Variants in UBN1 observed in about 807,000 individuals in gnomAD.
UBN1 encodes the protein ubinuclein-1.
UBN1 carries 17 observed loss-of-function variants against 108.5 expected under a neutral mutation model. That is an observed-to-expected ratio of 0.16 (90% CI 0.11 to 0.24). The LOEUF (loss-of-function observed/expected upper bound fraction) is 0.24, where lower values mean the gene tolerates loss of function less well. UBN1 is among the 10% of genes least tolerant of loss of function. The probability of loss-of-function intolerance (pLI) is 1.00; values close to 1 mark genes in which losing one functional copy is unlikely to be tolerated. For synonymous variants in UBN1, 726 were observed against 564.2 expected, an observed-to-expected ratio of 1.29 and a Z score of -4.07; for missense variants, 1,595 against 1,394.4, an observed-to-expected ratio of 1.14 and a Z score of -2.29.
At chr16:4,856,550 G>C (rs973669109) in intron 2 of UBN1, among the ~76,000 whole-genome samples, 9 of 152,294 alleles carry the variant, frequency 5.9e-5, no homozygotes, top group Non-Finnish European at 1.3e-4. Flanking sequence ...ATTACAATAT[G>C]GTCATTGTTT....
intron 12 of UBN1, 152 bp from the exon 13 acceptor site, chr16:4,872,732 G>T: frequency 1.2e-6 from 1 of 860,818 alleles, no homozygotes; most frequent in Non-Finnish European, 1.8e-6. Context: ...GCCTCCAAAA[G>T]TGCTGGGATT....
At position 4,870,551 on chromosome 16, in the gene UBN1, G is replaced by C; in HGVS notation, c.1347G>C (p.Lys449Asn). ...TGAAGGAGCCTCTCCAGAAGCTCAA[G>C]GAAGCCATTGGCAGGGCGATGCCAG... ...GRLKEPLQKLKEAIGRAMPEQ... is the reference protein window; with the variant it reads ...GRLKEPLQKLNEAIGRAMPEQ... The change falls in exon 10 of 18, where the codon AAG (lysine) becomes AAC (asparagine). Residue 449 changes from lysine to asparagine, a missense_variant. Physicochemically the swap from Lys to Asn is moderately conservative, Grantham distance 94 (BLOSUM62 0). Around this residue, in one of 3 missense-constraint regions of UBN1, gnomAD observed 1,398 missense variants for 1,194.7 expected, o/e 1.17. Coordinates refer to ENST00000262376, the MANE Select transcript of UBN1 (RefSeq NM_001079514.3). The C allele has an allele frequency of 4.3e-6, 7 of 1,614,260 alleles. No individual in the cohort carries two copies. The highest frequency in any genetic ancestry group is 5.9e-6 in the Non-Finnish European group (7 of 1,180,038).
At chr16:4,854,188 C>T (rs1387951029) in intron 2 of UBN1, among the ~76,000 whole-genome samples, 2 of 151,978 alleles carry the variant, frequency 1.3e-5, no homozygotes, top group Non-Finnish European at 2.9e-5. Context: ...CGTCCGCCAC[C>T]ACGCCCGGCA....
chr16:4,877,424 C>G lies in UBN1; in HGVS notation c.3305C>G (p.Ala1102Gly). 1.2e-6 allele frequency: 2 copies of G among 1,612,664 alleles called. No homozygotes were observed. Among genetic ancestry groups the G allele is most frequent in the East Asian group, 2.2e-5 (1 of 44,854 alleles). The part of the protein sequence containing the change: ...AGLHSSPPHA[A>G]PLPHAAVPTH... The stretch of plus-strand genomic sequence containing the variant: ...TTGCACTCCAGCCCGCCCCATGCAG[C>G]GCCTCTCCCACACGCTGCGGTGCCC... Residue 1102 changes from alanine (A) to glycine (G), a missense_variant, in exon 17 of 18, where the codon GCG becomes GGG. Physicochemically the swap from Ala to Gly is moderately conservative, Grantham distance 60. Transcript: ENST00000262376. The surrounding 1 kb of genome is among the most constrained non-coding windows in gnomAD (Gnocchi z 4.3).
intron 2 of UBN1, among the ~76,000 whole-genome samples, chr16:4,854,313 A>G (rs113290583): frequency 0.24 from 36,111 of 150,684 alleles, 6,408 homozygotes; most frequent in African/African-American, 0.49. Context: ...GATTACAGGC[A>G]TGAGCCACAG....
chr16:4,872,964 G>T (rs1179320472), intron 13 of UBN1, 30 bp downstream of exon 13: 1 of 1,614,214 alleles, frequency 6.2e-7, no homozygotes, highest in Non-Finnish European at 8.5e-7. Flanking sequence ...CACATCTCGG[G>T]ACAAGTGTTG....
chr16:4,850,693 G>A (rs563700152), intron 1 of UBN1, among the ~76,000 whole-genome samples: 1 of 152,138 alleles, frequency 6.6e-6, no homozygotes, highest in Non-Finnish European at 1.5e-5. Context: ...TAGATATTTT[G>A]TTCCCTTATG....
chr16:4,854,408 A>G (rs1223640788), intron 2 of UBN1, among the ~76,000 whole-genome samples: 2 of 149,766 alleles, frequency 1.3e-5, no homozygotes, highest in African/African-American at 2.5e-5. Flanking sequence ...CGGTGATGCA[A>G]TCTTGGCTCA....
At chr16:4,868,323 TAGAG>T (rs1341674072) in intron 7 of UBN1, among the ~76,000 whole-genome samples, 4 of 152,344 alleles carry the variant, frequency 2.6e-5, no homozygotes, top group East Asian at 1.9e-4. Flanking sequence ...GTCTGGCTAA[TAGAG>T]AGCTCGTGGT....
At chr16:4,849,474 A>G (rs2086424417) in intron 1 of UBN1, among the ~76,000 whole-genome samples, 1 of 151,310 alleles carries the variant, frequency 6.6e-6, no homozygotes, top group South Asian at 2.1e-4. Context: ...GTTTAGAAGG[A>G]GATATATATA....
chr16:4,862,052 A>C (rs1691580431), intron 7 of UBN1, among the ~76,000 whole-genome samples: 1 of 152,258 alleles, frequency 6.6e-6, no homozygotes, highest in South Asian at 2.1e-4. Context: ...ACACATTTCT[A>C]ACTGTAAACT....
At chr16:4,876,183 C>T (rs575727173) in intron 15 of UBN1, among the ~76,000 whole-genome samples, 1 of 152,068 alleles carries the variant, frequency 6.6e-6, no homozygotes, top group Non-Finnish European at 1.5e-5. Context: ...TAGTCTCGAT[C>T]TCCTGACCTC....
In UBN1 at chr16:4,859,105, A is replaced by G. The variant is rs555163317; in HGVS notation, c.513A>G (p.Gln171=). 31 of 1,614,230 alleles carry G rather than the reference A, an allele frequency of 1.9e-5. No individual in the cohort carries two copies. Among genetic ancestry groups the G allele is most frequent in the Non-Finnish European group, 2.5e-5 (30 of 1,180,042 alleles). The change falls in exon 5 of 18, where the codon CAA becomes CAG. Residue 171 remains glutamine (Q), a synonymous_variant. Coordinates refer to ENST00000262376, the MANE Select transcript of UBN1 (RefSeq NM_001079514.3). Reference sequence around the variant, plus strand: ...ACTCGGGAACCCTGCAGTTTAGACAAGCATCAGAGTCTGAAGATGACTTCA... The same window carrying G: ...ACTCGGGAACCCTGCAGTTTAGACAGGCATCAGAGTCTGAAGATGACTTCA... The part of the protein sequence containing the change: ...YINSGTLQFR[Q]ASESEDDFIK...
At chr16:4,873,176 T>C in intron 14 of UBN1, 103 bp downstream of exon 14, 1 of 1,506,220 alleles carries the variant, frequency 6.6e-7, no homozygotes, top group Non-Finnish European at 9.2e-7. Context: ...TCTTTGCTCG[T>C]CTGGGGACAG....
At position 4,859,982 on chromosome 16, in the gene UBN1, G is replaced by T; in HGVS notation, c.671+14G>T. ...TTCCAAAGCCGGGTGAGAGGCAGCA[G>T]CTTCTTTGCTAGGATAAAGCCTGAA... is the stretch of plus-strand genomic sequence containing the variant. On this transcript the variant is annotated intron_variant, in intron 6 of 17. Transcript: ENST00000262376. 6.2e-7 allele frequency: 1 copy of T among 1,613,946 alleles called. No individual in the cohort carries two copies.
intron 1 of UBN1, among the ~76,000 whole-genome samples, chr16:4,848,933 C>G (rs1309112204): frequency 1.3e-5 from 2 of 152,090 alleles, no homozygotes; most frequent in Non-Finnish European, 2.9e-5. Context: ...AAACCCAGTA[C>G]TCTACTAAAA....
intron 12 of UBN1, among the ~76,000 whole-genome samples, 195 bp from the exon 13 acceptor site, chr16:4,872,689 G>A (rs1259920463): frequency 3.9e-5 from 6 of 152,036 alleles, no homozygotes; most frequent in African/African-American, 7.2e-5. Context: ...GGCTGGTCTC[G>A]AACTCCTGAC....
Position 4,874,897 on chromosome 16 carries a change from C to T in UBN1, c.2487C>T (p.Gly829=), listed in dbSNP as rs925026893. The T allele has an allele frequency of 6.2e-7, 1 of 1,613,992 alleles. No homozygotes were observed. The highest frequency in any genetic ancestry group is 1.3e-5 in the African/African-American group (1 of 74,936). ...PPSPFANKLQ[G]PKASPTQCHR... is the part of the protein sequence containing the mutation. ...CTCCATTTGCCAATAAGCTCCAAGG[C>T]CCAAAGGCTTCTCCCACACAGTGTC... is the stretch of plus-strand genomic sequence containing the variant. The change falls in exon 15 of 18, where the codon GGC becomes GGT. Residue 829 remains glycine (G), a synonymous_variant. Coordinates refer to ENST00000262376, the MANE Select transcript of UBN1 (RefSeq NM_001079514.3).
At chr16:4,867,686 G>A (rs2087403512) in intron 7 of UBN1, among the ~76,000 whole-genome samples, 1 of 152,154 alleles carries the variant, frequency 6.6e-6, no homozygotes, top group Admixed American at 6.5e-5. Flanking sequence ...CCTATGGAAA[G>A]GAGCTGGTGG....
Sources: gnomAD v4.1 joint callset for allele counts (sites outside exome capture counted in the v4.1 genomes callset) on GRCh38, gnomAD v4.1.1 for gene constraint, gnomAD v4.1.1 regional missense constraint, Gnocchi (gnomAD v3.1) non-coding constraint, MANE v1.5 for transcripts, NCBI Gene and HGNC (gene_info 2026-07-23, HGNC 2026-07-21) for gene names.